Variants in PLAG1 observed in about 807,000 individuals in gnomAD.
The protein encoded by PLAG1 is zinc finger protein PLAG1.
In PLAG1, 7 loss-of-function variants were observed where a neutral mutation model predicts 35.5. That is an observed-to-expected ratio of 0.20 (90% confidence interval 0.11 to 0.37). The LOEUF (loss-of-function observed/expected upper bound fraction) is 0.37, where lower values mean the gene tolerates loss of function less well. Ranked by LOEUF, PLAG1 falls within the 10% of genes least tolerant of loss-of-function variation. PLAG1 has a pLI of 1.00. For synonymous variants in PLAG1, 229 were observed against 225.4 expected (o/e 1.02, Z -0.14); for missense variants, 454 against 602.8 (o/e 0.75, Z 2.58).
chr8:56,168,915 T>C (rs1811435541), intron 3 of PLAG1, among the ~76,000 whole-genome samples: 1 of 152,176 alleles, frequency 6.6e-6, no homozygotes, highest in Non-Finnish European at 1.5e-5. Flanking sequence ...GGAGAGACAC[T>C]AGAGGCCTGA....
At chr8:56,195,690 T>C (rs1417675236) in intron 1 of PLAG1, among the ~76,000 whole-genome samples, 2 of 152,150 alleles carry the variant, frequency 1.3e-5, no homozygotes, top group Non-Finnish European at 2.9e-5. Context: ...GCAGGTTCCC[T>C]TGCCTGAGGC....
In PLAG1 at chr8:56,181,556, G is replaced by A. The variant is rs564870696; in HGVS notation, c.-321-2043C>T. Among the ~76,000 whole-genome samples, 9 of 151,394 alleles carry A rather than the reference G, an allele frequency of 5.9e-5. No homozygotes were observed. The South Asian group carries it at 1.0e-3, about 18-fold the overall frequency. On this transcript the variant is annotated intron_variant, in intron 1 of 4. Transcript: ENST00000316981. Reference sequence around the variant, plus strand: ...CACAGGGAGGGGAACATCACACACCGGGGCCTGTCATTGGCAGGGGGTGGG... The same window carrying A: ...CACAGGGAGGGGAACATCACACACCAGGGCCTGTCATTGGCAGGGGGTGGG...
At chr8:56,201,134 C>A (rs1250097943) in intron 1 of PLAG1, among the ~76,000 whole-genome samples, 1 of 152,166 alleles carries the variant, frequency 6.6e-6, no homozygotes, top group African/African-American at 2.4e-5. Flanking sequence ...GTAATTGGGA[C>A]AATACCATAT....
intron 2 of PLAG1, among the ~76,000 whole-genome samples, chr8:56,176,820 G>A (rs1209900133): frequency 2.0e-5 from 3 of 151,800 alleles, no homozygotes; most frequent in Non-Finnish European, 4.4e-5. Flanking sequence ...AAGTTTCTGG[G>A]GGTACAACAA....
At position 56,166,178 on chromosome 8, in the gene PLAG1, A is replaced by T; in HGVS notation, c.*65T>A. ...ATACTGTTTTAAAGTAGGCACTAAAATAAAAATGGTCATCTAGGGCACAGC... is the reference window on the plus strand; with the variant it reads ...ATACTGTTTTAAAGTAGGCACTAAATTAAAAATGGTCATCTAGGGCACAGC... On this transcript the variant is annotated 3_prime_UTR_variant, in exon 5 of 5. Transcript: ENST00000316981. 1 of 1,189,932 alleles carries T rather than the reference A, an allele frequency of 8.4e-7. No individual in the cohort carries two copies. The highest frequency in any genetic ancestry group is 1.2e-6 in the Non-Finnish European group (1 of 850,072). 73.7% of individuals were successfully genotyped at this position (1,189,932 alleles called of 1,614,324 possible).
chr8:56,179,624 A>C (rs890687024), intron 1 of PLAG1, 111 bp from the exon 2 acceptor site: 1 of 154,710 alleles, frequency 6.5e-6, no homozygotes, highest in East Asian at 1.9e-4. Flanking sequence ...CATTCTTTGC[A>C]CTTTATTGAA....
In PLAG1 at chr8:56,169,545, T is replaced by C. The variant is rs570547180; in HGVS notation, c.-117-1159A>G. Among the ~76,000 whole-genome samples the C allele has an allele frequency of 8.5e-5, 13 of 152,264 alleles. No homozygotes were observed. In the South Asian group the frequency reaches 2.7e-3, roughly 32 times the overall value. ...TATAAAGGCTAGTTGAGTGATGTAC[T>C]TATTTTCTTTTGAGACAGAGTCTCA... On this transcript the variant is annotated intron_variant, in intron 3 of 4. Transcript: ENST00000316981.
chr8:56,177,359 G>C (rs1811731055), intron 2 of PLAG1, among the ~76,000 whole-genome samples: 1 of 152,118 alleles, frequency 6.6e-6, no homozygotes, highest in African/African-American at 2.4e-5. Flanking sequence ...GGGTAAACAG[G>C]ATCAGTTCTA....
At chr8:56,191,899 T>C (rs972664398) in intron 1 of PLAG1, among the ~76,000 whole-genome samples, 35 of 151,932 alleles carry the variant, frequency 2.3e-4, no homozygotes, top group African/African-American at 8.2e-4. Flanking sequence ...GCATTTCATA[T>C]TGAGGAATGT....
Position 56,164,344 on chromosome 8 carries a change from T to G in PLAG1, c.*1899A>C, listed in dbSNP as rs1485045759. ...CATGTGTGTGTGTGTGTGTATTATA[T>G]ATATATATTGAAGCCCCCATTTACA... On this transcript the variant is annotated 3_prime_UTR_variant, in exon 5 of 5. Transcript: ENST00000316981. The G allele has an allele frequency of 9.1e-6, 2 of 218,652 alleles. No individual in the cohort carries two copies. Among genetic ancestry groups the G allele is most frequent in the Non-Finnish European group, 1.8e-5 (2 of 108,584 alleles). The allele number at this position is 218,652 out of a possible 1,614,324, so 13.5% of individuals were successfully genotyped here.
At position 56,165,553 on chromosome 8, in the gene PLAG1, G is replaced by A. The variant is rs1811330045; in HGVS notation, c.*690C>T. ...GTACTAATTTAGGGCCAACTATTAA[G>A]TGACACGAAATGCCATGTCACCTAA... On this transcript the variant is annotated 3_prime_UTR_variant, in exon 5 of 5. Coordinates refer to ENST00000316981, the MANE Select transcript of PLAG1 (RefSeq NM_002655.3). The A allele has an allele frequency of 9.7e-6, 2 of 206,278 alleles. No individual in the cohort carries two copies. The highest frequency in any genetic ancestry group is 1.5e-4 in the East Asian group (2 of 13,406). 12.8% of individuals were successfully genotyped at this position (206,278 alleles called of 1,614,324 possible). A position where few individuals can be genotyped will look rare whatever the true frequency, so the allele number is the denominator to read the frequency against.
chr8:56,198,998 T>C (rs1257497755), intron 1 of PLAG1, among the ~76,000 whole-genome samples: 2 of 152,172 alleles, frequency 1.3e-5, no homozygotes, highest in Non-Finnish European at 2.9e-5. Context: ...GATGTTAGTG[T>C]AAACAGAAAA....
chr8:56,199,179 GA>G (rs1207251591), intron 1 of PLAG1, among the ~76,000 whole-genome samples: 1 of 152,152 alleles, frequency 6.6e-6, no homozygotes, highest in African/African-American at 2.4e-5. Flanking sequence ...TGGTTGGGGG[GA>G]CAGGTGGAAA....
At chr8:56,201,122 T>C (rs1371774971) in intron 1 of PLAG1, among the ~76,000 whole-genome samples, 2 of 152,238 alleles carry the variant, frequency 1.3e-5, no homozygotes, top group African/African-American at 4.8e-5. Flanking sequence ...TGGAATTCTT[T>C]AGTAATTGGG....
At chr8:56,204,622 G>A (rs998874296) in intron 1 of PLAG1, among the ~76,000 whole-genome samples, 3 of 151,792 alleles carry the variant, frequency 2.0e-5, no homozygotes, top group Non-Finnish European at 4.4e-5. Flanking sequence ...TGGTTAAAGA[G>A]AGATAATTTT....
intron 1 of PLAG1, among the ~76,000 whole-genome samples, chr8:56,198,800 C>T (rs1040976831): frequency 6.7e-6 from 1 of 150,144 alleles, no homozygotes; most frequent in African/African-American, 2.4e-5. Flanking sequence ...CTCTGAACTC[C>T]TTCTTAATTC....
At chr8:56,210,742 C>T (rs915425028) in intron 1 of PLAG1, among the ~76,000 whole-genome samples, 1 of 151,688 alleles carries the variant, frequency 6.6e-6, no homozygotes, top group East Asian at 1.9e-4. Context: ...CTGCCGCTGC[C>T]GCTGTCACAA....
chr8:56,162,940 G>C lies in PLAG1; in HGVS notation c.*3303C>G, dbSNP rs1811247835. The C allele has an allele frequency of 4.6e-6, 1 of 215,302 alleles. No individual in the cohort carries two copies. Among genetic ancestry groups the C allele is most frequent in the African/African-American group, 2.3e-5 (1 of 44,312 alleles). The allele number at this position is 215,302 out of a possible 1,614,324, so 13.3% of individuals were successfully genotyped here. A position where few individuals can be genotyped will look rare whatever the true frequency, so the allele number is the denominator to read the frequency against. On this transcript the variant is annotated 3_prime_UTR_variant, in exon 5 of 5. Transcript: ENST00000316981. ...ATGAAATAAAAAAGTTGCACACAGA[G>C]TGATGCATAATCAGCCAGGACAATT...
At chr8:56,210,372 C>G (rs535442043) in intron 1 of PLAG1, among the ~76,000 whole-genome samples, 7 of 151,958 alleles carry the variant, frequency 4.6e-5, no homozygotes, top group South Asian at 2.1e-4. Flanking sequence ...TGCTCTGTGC[C>G]GATCTCCTGC....
Sources: allele counts gnomAD v4.1 joint callset (sites outside exome capture counted in the v4.1 genomes callset), GRCh38; gene constraint gnomAD v4.1.1; transcripts MANE v1.5; gene names NCBI Gene and HGNC (gene_info 2026-07-23, HGNC 2026-07-21).